The following MTMR12 variants were observed in gnomAD, a reference collection of about 807,000 sequenced individuals.
MTMR12 encodes myotubularin-related protein 12.
A neutral mutation model predicts 96.7 loss-of-function variants in MTMR12; 33 were observed. That is an observed-to-expected ratio of 0.34 (90% confidence interval 0.26 to 0.46). The LOEUF is 0.46. MTMR12 is among the 20% of genes least tolerant of loss of function. The pLI is 1.00. For missense variants in MTMR12, 721 were observed against 896.1 expected, an observed-to-expected ratio of 0.80 and a Z score of 2.49; for synonymous variants, 298 against 327.2, an observed-to-expected ratio of 0.91 and a Z score of 0.96.
At chr5:32,289,400 G>C (rs564157391) in intron 1 of MTMR12, among the ~76,000 whole-genome samples, 1 of 151,812 alleles carries the variant, frequency 6.6e-6, no homozygotes, top group Non-Finnish European at 1.5e-5. Context: ...AGGGGAGGCC[G>C]GGTCCCCTTG....
At chr5:32,232,506 A>G (rs950780083) in intron 15 of MTMR12, among the ~76,000 whole-genome samples, 2 of 152,064 alleles carry the variant, frequency 1.3e-5, no homozygotes, top group East Asian at 1.9e-4. Flanking sequence ...TGGAAGGGGG[A>G]GCCTTAGGTT....
In MTMR12 at chr5:32,233,555, G is replaced by C. The variant is rs1271257171; in HGVS notation, c.1674+218C>G. 6.6e-6 allele frequency among the ~76,000 whole-genome samples: 1 copy of C among 151,978 alleles called. No individual in the cohort carries two copies. Among genetic ancestry groups the C allele is most frequent in the African/African-American group, 2.4e-5 (1 of 41,352 alleles). On this transcript the variant is annotated intron_variant, in intron 15 of 15. Coordinates refer to ENST00000382142, the MANE Select transcript of MTMR12 (RefSeq NM_001040446.3). The surrounding 1 kb of genome is among the most constrained non-coding windows in gnomAD (Gnocchi z 5.0). ...TGACCAGGGTGGCAGCATCCACAGT[G>C]ACATCTGGCAAATGGCCCTGTTGTA...
chr5:32,277,673 TG>T (rs1337575347), intron 1 of MTMR12, among the ~76,000 whole-genome samples: 3 of 150,864 alleles, frequency 2.0e-5, no homozygotes, highest in African/African-American at 7.4e-5. Context: ...CACTCCAGCC[TG>T]GGTAACAGTG....
chr5:32,292,390 C>A (rs1384214456), intron 1 of MTMR12, among the ~76,000 whole-genome samples: 1 of 152,074 alleles, frequency 6.6e-6, no homozygotes, highest in Non-Finnish European at 1.5e-5. Context: ...TTATCTTCTG[C>A]TGGTCTAGAG....
At chr5:32,271,021 A>T in intron 4 of MTMR12, 74 bp from the exon 5 acceptor site, 1 of 1,466,676 alleles carries the variant, frequency 6.8e-7, no homozygotes, top group Non-Finnish European at 9.3e-7. Flanking sequence ...GAAATGAAGT[A>T]GATGATCAAC....
intron 3 of MTMR12, among the ~76,000 whole-genome samples, chr5:32,273,146 T>G (rs544843842): frequency 1.4e-5 from 2 of 145,302 alleles, no homozygotes; most frequent in African/African-American, 2.9e-5. Context: ...ATGTCTGTAA[T>G]CCCAGCACTT....
At chr5:32,273,888 G>A (rs1749943793) in intron 3 of MTMR12, 92 bp downstream of exon 3, 1 of 1,543,190 alleles carries the variant, frequency 6.5e-7, no homozygotes, top group Non-Finnish European at 8.8e-7. Flanking sequence ...GTGTGTTAGG[G>A]GGTAGAGTAA....
In MTMR12 at chr5:32,233,473, A is replaced by ACACACAC. The variant is rs1748084676; in HGVS notation, c.1674+299_1674+300insGTGTGTG. ...CTCTACTAACACACACACACACACA[A>ACACACAC]ACACACACACACACACACACACACA... On this transcript the variant is annotated intron_variant, in intron 15 of 15. Coordinates refer to ENST00000382142, the MANE Select transcript of MTMR12 (RefSeq NM_001040446.3). The surrounding 1 kb of genome is among the most constrained non-coding windows in gnomAD (Gnocchi z 5.0). 0.028 allele frequency among the ~76,000 whole-genome samples: 1,678 copies of ACACACAC among 59,928 alleles called. 35 individuals carry two copies. The highest frequency in any genetic ancestry group is 0.072 in the African/African-American group (1,557 of 21,724). The allele number at this position is 59,928 out of a possible 152,430, so 39.3% of individuals were successfully genotyped here. A position where few individuals can be genotyped will look rare whatever the true frequency, so the allele number is the denominator to read the frequency against.
chr5:32,245,259 T>C (rs1229009177), intron 10 of MTMR12, among the ~76,000 whole-genome samples: 3 of 152,110 alleles, frequency 2.0e-5, no homozygotes, highest in African/African-American at 7.2e-5. Context: ...TGGTCTTGAA[T>C]TCCTGACCTC....
intron 10 of MTMR12, among the ~76,000 whole-genome samples, chr5:32,244,292 G>GAAA (rs61038640): frequency 9.8e-6 from 1 of 101,908 alleles, no homozygotes. Context: ...AAAATGAAAA[G>GAAA]AAAAAAAAAA....
intron 1 of MTMR12, among the ~76,000 whole-genome samples, chr5:32,305,625 C>T (rs886924392): frequency 2.0e-5 from 3 of 151,834 alleles, no homozygotes; most frequent in South Asian, 2.1e-4. Context: ...ATACCGCGGC[C>T]GGGCGCGATG....
At chr5:32,256,942 T>C (rs1581606907) in intron 7 of MTMR12, among the ~76,000 whole-genome samples, 1 of 152,234 alleles carries the variant, frequency 6.6e-6, no homozygotes, top group Non-Finnish European at 1.5e-5. Context: ...TTAATCTTGA[T>C]TACTTTTAAA....
chr5:32,288,978 CCCTGTAATTG>C (rs1250599060), intron 1 of MTMR12, among the ~76,000 whole-genome samples: 2 of 152,162 alleles, frequency 1.3e-5, no homozygotes, highest in Non-Finnish European at 2.9e-5. Flanking sequence ...CTTTGAAGAG[CCCTGTAATTG>C]CTTGTCTCTG....
At chr5:32,243,657 C>A (rs569672006) in intron 10 of MTMR12, 58 bp from the exon 11 acceptor site, 11 of 1,126,730 alleles carry the variant, frequency 9.8e-6, no homozygotes, top group African/African-American at 6.2e-5. Flanking sequence ...ATACTTGCCA[C>A]AAAAATCCTG....
In MTMR12 at chr5:32,243,599, T is replaced by C. The variant is rs780165819; in HGVS notation, c.1022A>G (p.Asp341Gly). ...YSKFKQLFLI[D>G]NSTEFWDTDI... is the part of the protein sequence containing the mutation. ...TGTGTCCCAAAATTCAGTACTGTTA[T>C]CTGAAAAAAGAAAAAGGAGTAAAGA... The change falls in exon 11 of 16, where the codon GAT becomes GGT. Residue 341 changes from aspartate (D) to glycine (G), a missense_variant and splice_region_variant. Coordinates refer to ENST00000382142, the MANE Select transcript of MTMR12 (RefSeq NM_001040446.3). The C allele has an allele frequency of 1.9e-6, 3 of 1,597,428 alleles. No homozygotes were observed. The highest frequency in any genetic ancestry group is 3.4e-5 in the Admixed American group (2 of 59,338).
At chr5:32,236,992 C>A (rs968357229) in intron 13 of MTMR12, among the ~76,000 whole-genome samples, 1 of 152,220 alleles carries the variant, frequency 6.6e-6, no homozygotes, top group East Asian at 1.9e-4. Flanking sequence ...GATGTGATTT[C>A]TATTCAGCTC....
At chr5:32,272,497 A>G (rs1379957347) in intron 3 of MTMR12, among the ~76,000 whole-genome samples, 1 of 151,704 alleles carries the variant, frequency 6.6e-6, no homozygotes, top group Non-Finnish European at 1.5e-5. Flanking sequence ...TTTGCACCTC[A>G]GCCTCCTGAG....
At chr5:32,259,126 ATT>A (rs1749258032) in intron 7 of MTMR12, among the ~76,000 whole-genome samples, 1 of 152,140 alleles carries the variant, frequency 6.6e-6, no homozygotes, top group African/African-American at 2.4e-5. Context: ...GAAAGCAGTC[ATT>A]TCAGTCATTA....
intron 1 of MTMR12, among the ~76,000 whole-genome samples, chr5:32,291,733 A>G (rs1339554512): frequency 2.0e-5 from 3 of 152,138 alleles, no homozygotes; most frequent in Admixed American, 6.5e-5. Context: ...TCCACTCACC[A>G]AGGCTGACCT....
Sources: allele counts gnomAD v4.1 joint callset (sites outside exome capture counted in the v4.1 genomes callset), GRCh38; gene constraint gnomAD v4.1.1; non-coding constraint Gnocchi (gnomAD v3.1); transcripts MANE v1.5; gene names NCBI Gene and HGNC (gene_info 2026-07-23, HGNC 2026-07-21).